The following HACE1 variants were observed in gnomAD, a reference collection of about 807,000 sequenced individuals.
The protein encoded by HACE1 is E3 ubiquitin-protein ligase HACE1.
Under a neutral mutation model 118.4 loss-of-function variants are expected in HACE1, and 73 were observed. The ratio of observed to expected loss-of-function variants is 0.62; its 90% CI spans 0.51 to 0.75. The LOEUF (loss-of-function observed/expected upper bound fraction) is 0.75, where lower values mean the gene tolerates loss of function less well. Ranked by LOEUF, HACE1 falls within the 30% of genes least tolerant of loss-of-function variation. The probability of loss-of-function intolerance (pLI) is 0.00; values close to 1 mark genes in which losing one functional copy is unlikely to be tolerated. For missense variants in HACE1, 749 were observed against 1,102.2 expected (o/e 0.68, Z 4.54); for synonymous variants, 368 against 374.8 (o/e 0.98, Z 0.21).
chr6:104,734,420 A>T (rs1428505121), intron 22 of HACE1, among the ~76,000 whole-genome samples: 3 of 152,116 alleles, frequency 2.0e-5, no homozygotes, highest in African/African-American at 4.8e-5. Context: ...TCCAAAAATT[A>T]AAAAAGAAAA....
At chr6:104,732,732 T>C (rs554013859) in intron 22 of HACE1, among the ~76,000 whole-genome samples, 2 of 152,208 alleles carry the variant, frequency 1.3e-5, no homozygotes, top group East Asian at 3.9e-4. Context: ...TGGTTGAAAA[T>C]ATGCACCAGG....
chr6:104,750,294 G>GT (rs758714129), intron 20 of HACE1, 47 bp downstream of exon 20: 89 of 1,519,162 alleles, frequency 5.9e-5, no homozygotes, highest in Admixed American at 2.9e-4. Context: ...ATCAACTAGA[G>GT]TTTTTTGTTG....
intron 22 of HACE1, among the ~76,000 whole-genome samples, chr6:104,741,822 T>G (rs1776747789): frequency 6.8e-6 from 1 of 147,934 alleles, no homozygotes; most frequent in African/African-American, 2.5e-5. Flanking sequence ...TTAAAGTTCA[T>G]ATGGAACCAA....
intron 1 of HACE1, among the ~76,000 whole-genome samples, chr6:104,857,392 T>C (rs1776832012): frequency 6.6e-6 from 1 of 151,734 alleles, no homozygotes; most frequent in South Asian, 2.1e-4. Flanking sequence ...CTTTTACTAA[T>C]AATACTCTAG....
chr6:104,801,889 C>G (rs1770401072), intron 7 of HACE1, among the ~76,000 whole-genome samples: 1 of 151,892 alleles, frequency 6.6e-6, no homozygotes, highest in Admixed American at 6.6e-5. Context: ...GGCTAAATGC[C>G]CCAATTAAAA....
chr6:104,767,858 A>G (rs1018784453), intron 19 of HACE1, among the ~76,000 whole-genome samples: 3 of 151,558 alleles, frequency 2.0e-5, no homozygotes, highest in Non-Finnish European at 4.4e-5. Flanking sequence ...CTTCCATACC[A>G]CTTCATCCAT....
At chr6:104,851,582 T>A (rs1211813744) in intron 2 of HACE1, among the ~76,000 whole-genome samples, 1 of 152,186 alleles carries the variant, frequency 6.6e-6, no homozygotes, top group Non-Finnish European at 1.5e-5. Context: ...TAAGCTGGCT[T>A]TAGCTTTCCT....
At chr6:104,767,156 T>C (rs1236049326) in intron 19 of HACE1, among the ~76,000 whole-genome samples, 3 of 152,160 alleles carry the variant, frequency 2.0e-5, no homozygotes, top group East Asian at 3.8e-4. Flanking sequence ...ATGGTTCAGA[T>C]ACATGAAACA....
At chr6:104,777,430 T>A in intron 14 of HACE1, 113 bp from the exon 15 acceptor site, 2 of 735,282 alleles carry the variant, frequency 2.7e-6, no homozygotes. Flanking sequence ...AGATCTTTAT[T>A]TACAATAAGG....
At chr6:104,816,721 G>T (rs1405229004) in intron 6 of HACE1, among the ~76,000 whole-genome samples, 1 of 152,092 alleles carries the variant, frequency 6.6e-6, no homozygotes, top group Non-Finnish European at 1.5e-5. Flanking sequence ...CCAACAATAG[G>T]AGACCCACTG....
intron 22 of HACE1, among the ~76,000 whole-genome samples, chr6:104,741,923 A>C (rs536969094): frequency 6.6e-6 from 1 of 151,942 alleles, no homozygotes; most frequent in African/African-American, 2.4e-5. Context: ...CGACAAGGCT[A>C]CAGTAACCAA....
At position 104,850,948 on chromosome 6, in the gene HACE1, T is replaced by C. The variant is rs2114298100; in HGVS notation, c.180A>G (p.Ala60=). The change falls in exon 3 of 24, where the codon GCA becomes GCG. Residue 60 remains alanine, a synonymous_variant. Transcript: ENST00000262903. ...GCAAGCTTCTTTTCACACGTCCGAA[T>C]GCATAATTGACATCAAATTTTGAAT... ...LSNSKFDVNY[A]FGRVKRSLLH... 1.2e-6 allele frequency: 2 copies of C among 1,610,774 alleles called. No individual in the cohort carries two copies. Among genetic ancestry groups the C allele is most frequent in the Non-Finnish European group, 1.7e-6 (2 of 1,176,914 alleles).
intron 19 of HACE1, among the ~76,000 whole-genome samples, chr6:104,761,518 C>G (rs765072235): frequency 5.3e-5 from 8 of 152,144 alleles, no homozygotes; most frequent in Non-Finnish European, 1.0e-4. Context: ...AAACTGGACC[C>G]CTTCCTTATA....
In HACE1 at chr6:104,854,364, A is replaced by G. The variant is rs539343905; in HGVS notation, c.77-1993T>C. 1.4e-4 allele frequency among the ~76,000 whole-genome samples: 21 copies of G among 152,356 alleles called. No individual in the cohort carries two copies. The East Asian group carries it at 4.0e-3, about 29-fold the overall frequency. Reference sequence around the variant, plus strand: ...CTCTGTAGTATAGTTAATAGTATACACAAATGTTAATTTCTTATTTTTGAC... The same window carrying G: ...CTCTGTAGTATAGTTAATAGTATACGCAAATGTTAATTTCTTATTTTTGAC... On this transcript the variant is annotated intron_variant, in intron 1 of 23. Transcript: ENST00000262903.
chr6:104,802,709 A>G (rs1770520288), intron 7 of HACE1, among the ~76,000 whole-genome samples: 1 of 152,242 alleles, frequency 6.6e-6, no homozygotes, highest in Non-Finnish European at 1.5e-5. Context: ...GGACACATTT[A>G]AAGCAGTGTG....
At chr6:104,832,000 A>G (rs1221002742) in intron 6 of HACE1, among the ~76,000 whole-genome samples, 13 of 118,890 alleles carry the variant, frequency 1.1e-4, no homozygotes, top group East Asian at 2.7e-4. Context: ...GGAAGGAAGG[A>G]AGGAAGGAAG....
chr6:104,739,734 C>T (rs1269341848), intron 22 of HACE1, among the ~76,000 whole-genome samples: 1 of 150,472 alleles, frequency 6.6e-6, no homozygotes, highest in Non-Finnish European at 1.5e-5. Flanking sequence ...TTTAACACCC[C>T]ACTGTCAACA....
At chr6:104,762,094 G>A (rs1177232625) in intron 19 of HACE1, among the ~76,000 whole-genome samples, 3 of 152,218 alleles carry the variant, frequency 2.0e-5, no homozygotes, top group Non-Finnish European at 2.9e-5. Context: ...CTTTTACACT[G>A]TTGGTGGGAG....
At chr6:104,800,778 C>T (rs533276771) in intron 7 of HACE1, among the ~76,000 whole-genome samples, 4 of 152,138 alleles carry the variant, frequency 2.6e-5, no homozygotes, top group Non-Finnish European at 4.4e-5. Flanking sequence ...GCAGAAAAGC[C>T]GAAAATTCTA....
Sources: gnomAD v4.1 joint callset for allele counts (sites outside exome capture counted in the v4.1 genomes callset) on GRCh38, gnomAD v4.1.1 for gene constraint, MANE v1.5 for transcripts, NCBI Gene and HGNC (gene_info 2026-07-23, HGNC 2026-07-21) for gene names.